NTRK3: variants seen among roughly 807,000 people sequenced by gnomAD.
The protein encoded by NTRK3 is NT-3 growth factor receptor.
A neutral mutation model predicts 91.7 loss-of-function variants in NTRK3; 24 were observed. The observed-to-expected ratio is 0.26, with a 90% CI of 0.19 to 0.37. The LOEUF (loss-of-function observed/expected upper bound fraction) is 0.37, where lower values mean the gene tolerates loss of function less well. NTRK3 is among the 10% of genes least tolerant of loss of function. NTRK3 has a pLI of 1.00. For missense variants in NTRK3, 880 were observed against 1,068.9 expected, an observed-to-expected ratio of 0.82 and a Z score of 2.46; for synonymous variants, 483 against 404.0, an observed-to-expected ratio of 1.20 and a Z score of -2.34.
At chr15:87,981,190 TTAC>T in intron 14 of NTRK3, 1 of 1,553,982 alleles carries the variant, frequency 6.4e-7, no homozygotes, top group Non-Finnish European at 8.7e-7. Context: ...GGAGGGATCT[TTAC>T]TGCATACAAA....
rs543897972 is a variant in NTRK3, at chr15:87,985,588, C to T, written c.1586-44835G>A. ...TCAATGCTGCTGGGAAAATGAGTGACGAGATTGTCCTGGCCCGCATGCCAC... is the reference window on the plus strand; with the variant it reads ...TCAATGCTGCTGGGAAAATGAGTGATGAGATTGTCCTGGCCCGCATGCCAC... On this transcript the variant is annotated intron_variant, in intron 14 of 18. Coordinates refer to ENST00000394480, the Ensembl canonical transcript of NTRK3. Among the ~76,000 whole-genome samples, 42 of 152,226 alleles carry T rather than the reference C, an allele frequency of 2.8e-4. No homozygotes were observed. The South Asian group carries it at 7.9e-3, about 29-fold the overall frequency.
At chr15:87,965,951 A>T (rs2072753300) in intron 14 of NTRK3, among the ~76,000 whole-genome samples, 2 of 151,992 alleles carry the variant, frequency 1.3e-5, no homozygotes, top group South Asian at 4.2e-4. Context: ...GGTGGCGGGC[A>T]CCTGTAATCC....
Position 88,137,886 on chromosome 15 carries a change from A to T in NTRK3, c.465-325T>A, listed in dbSNP as rs369599523. On this transcript the variant is annotated intron_variant, in intron 6 of 18. Transcript: ENST00000394480. Reference sequence around the variant, plus strand: ...ACCAACATGGTGAAACCCCGTCTCTACTAAAAATACAAAAATTAGCCGTGC... The same window carrying T: ...ACCAACATGGTGAAACCCCGTCTCTTCTAAAAATACAAAAATTAGCCGTGC... Among the ~76,000 whole-genome samples the T allele has an allele frequency of 6.6e-5, 10 of 152,158 alleles. No individual in the cohort carries two copies. The East Asian group carries it at 9.7e-4, about 15-fold the overall frequency.
intron 14 of NTRK3, among the ~76,000 whole-genome samples, chr15:87,985,532 A>G (rs1195313393): frequency 6.6e-6 from 1 of 152,174 alleles, no homozygotes; most frequent in Non-Finnish European, 1.5e-5. Context: ...CCCCAACTTC[A>G]GTATGGGCCG....
chr15:87,902,411 T>A (rs1319810204), intron 17 of NTRK3, among the ~76,000 whole-genome samples: 1 of 152,252 alleles, frequency 6.6e-6, no homozygotes, highest in Non-Finnish European at 1.5e-5. Context: ...TTTGTCATCA[T>A]AATTTTCAAA....
intron 3 of NTRK3, among the ~76,000 whole-genome samples, chr15:88,188,041 T>C (rs1442233076): frequency 2.0e-5 from 3 of 152,160 alleles, no homozygotes. Flanking sequence ...GACCACAGGC[T>C]GGACCAGCTC....
chr15:88,201,513 C>G (rs1286672981), intron 3 of NTRK3, among the ~76,000 whole-genome samples: 4 of 152,188 alleles, frequency 2.6e-5, no homozygotes, highest in African/African-American at 7.2e-5. Context: ...CTCAGACTCT[C>G]AAGGAACCTG....
At chr15:88,168,748 G>A (rs1454697544) in intron 5 of NTRK3, among the ~76,000 whole-genome samples, 1 of 152,162 alleles carries the variant, frequency 6.6e-6, no homozygotes, top group African/African-American at 2.4e-5. Flanking sequence ...AAGACTTGGG[G>A]GTCATCTCCC....
At chr15:88,205,360 C>A (rs1289048341) in intron 3 of NTRK3, among the ~76,000 whole-genome samples, 1 of 152,148 alleles carries the variant, frequency 6.6e-6, no homozygotes, top group East Asian at 1.9e-4. Flanking sequence ...GGCTCTCAGA[C>A]CCTCCCATCT....
chr15:87,929,479 A>G (rs1334037146), intron 16 of NTRK3, 45 bp from the exon 17 acceptor site: 1 of 1,606,936 alleles, frequency 6.2e-7, no homozygotes, highest in African/African-American at 1.3e-5. Flanking sequence ...AGAAATCAGG[A>G]GATCAAGGAG....
intron 17 of NTRK3, among the ~76,000 whole-genome samples, chr15:87,890,884 C>T (rs952907231): frequency 6.6e-6 from 1 of 152,098 alleles, no homozygotes; most frequent in African/African-American, 2.4e-5. Flanking sequence ...GAGTGCTCAT[C>T]TCTACTGGGG....
intron 17 of NTRK3, among the ~76,000 whole-genome samples, chr15:87,917,806 T>G (rs1262511567): frequency 6.6e-6 from 1 of 152,144 alleles, no homozygotes; most frequent in Non-Finnish European, 1.5e-5. Context: ...TGCTCCTCCT[T>G]TGCCATGATT....
chr15:87,920,256 A>G (rs565155926), intron 17 of NTRK3, among the ~76,000 whole-genome samples: 9 of 152,358 alleles, frequency 5.9e-5, no homozygotes, highest in African/African-American at 2.2e-4. Flanking sequence ...GCATAAATGT[A>G]TCCCACACAC....
At chr15:88,047,071 C>T (rs1287446069) in intron 13 of NTRK3, among the ~76,000 whole-genome samples, 1 of 152,180 alleles carries the variant, frequency 6.6e-6, no homozygotes, top group Admixed American at 6.5e-5. Context: ...CTCTAAGCCC[C>T]TTCAGTCACA....
At chr15:87,905,487 C>T (rs2066712208) in intron 17 of NTRK3, among the ~76,000 whole-genome samples, 1 of 152,068 alleles carries the variant, frequency 6.6e-6, no homozygotes, top group Non-Finnish European at 1.5e-5. Flanking sequence ...AAGTATACCA[C>T]AAATAAATGC....
At chr15:88,073,389 A>G (rs1359687521) in intron 13 of NTRK3, among the ~76,000 whole-genome samples, 1 of 152,208 alleles carries the variant, frequency 6.6e-6, no homozygotes, top group East Asian at 1.9e-4. Context: ...GAAACTGGTG[A>G]GAAAGTCAAG....
rs367985043 is a variant in NTRK3, at chr15:87,877,077, C to T, written c.2336G>A (p.Arg779Gln). ...ATCGTACACCTCTTTGGGGCAGACTCGGGGCCGCTCCAAAACACGACCTTG... is the reference window on the plus strand; with the variant it reads ...ATCGTACACCTCTTTGGGGCAGACTTGGGGCCGCTCCAAAACACGACCTTG... The change falls in exon 19 of 19, where the codon CGA (arginine) becomes CAA (glutamine). Residue 779 changes from arginine to glutamine, a missense_variant. Arg to Gln is a conservative substitution (Grantham distance 43). This residue lies in a region of NTRK3 where 99 missense variants were observed against 168.9 expected (regional missense o/e 0.59). Coordinates refer to ENST00000394480, the Ensembl canonical transcript of NTRK3. 88 of 1,613,922 alleles carry T rather than the reference C, an allele frequency of 5.5e-5. 1 individual carries two copies. In the South Asian group the frequency reaches 7.6e-4, roughly 14 times the overall value.
chr15:87,917,809 C>T (rs1326863102), intron 17 of NTRK3, among the ~76,000 whole-genome samples: 2 of 152,168 alleles, frequency 1.3e-5, no homozygotes, highest in Non-Finnish European at 2.9e-5. Context: ...TCCTCCTTTG[C>T]CATGATTGGA....
chr15:88,135,975 G>A lies in NTRK3; in HGVS notation c.831C>T (p.Asp277=), dbSNP rs550578284. 35 of 1,614,242 alleles carry A rather than the reference G, an allele frequency of 2.2e-5. No individual in the cohort carries two copies. The South Asian group carries it at 3.5e-4, about 16-fold the overall frequency. ...CAATGCACGTCAGGGTGAAGCCATT[G>A]TCCTCACTCGTCACATTCACCAGCG... is the stretch of plus-strand genomic sequence containing the variant. The change falls in exon 9 of 19, where the codon GAC becomes GAT. Residue 277 remains aspartate, a synonymous_variant. Transcript: ENST00000394480.
Sources: allele counts gnomAD v4.1 joint callset (sites outside exome capture counted in the v4.1 genomes callset), GRCh38; gene constraint gnomAD v4.1.1; regional missense constraint gnomAD v4.1.1; transcripts MANE v1.5; gene names NCBI Gene and HGNC (gene_info 2026-07-23, HGNC 2026-07-21).